The following GPHN variants were observed in gnomAD, a reference collection of about 807,000 sequenced individuals.
GPHN encodes the protein gephyrin.
A neutral mutation model predicts 95.5 loss-of-function variants in GPHN; 17 were observed. The ratio of observed to expected loss-of-function variants is 0.18; its 90% CI spans 0.12 to 0.27. GPHN has a LOEUF of 0.27. GPHN is among the 10% of genes least tolerant of loss of function. The probability of loss-of-function intolerance (pLI) is 1.00; values close to 1 mark genes in which losing one functional copy is unlikely to be tolerated. For synonymous variants in GPHN, 320 were observed against 322.5 expected (o/e 0.99, Z 0.08); for missense variants, 660 against 978.1 (o/e 0.67, Z 4.34).
the GPHN span, among the ~76,000 whole-genome samples, chr14:67,556,159 G>A: frequency 2.6e-5 from 4 of 152,206 alleles, no homozygotes; most frequent in African/African-American, 4.8e-5. Flanking sequence ...GTTCTCACTC[G>A]TGGAACCTGT....
At chr14:67,395,650 T>C in the GPHN span, 2 of 1,457,618 alleles carry the variant, frequency 1.4e-6, no homozygotes, top group Non-Finnish European at 1.9e-6. Context: ...GCAGCAAAAA[T>C]GACGGGGCCC....
At chr14:67,377,473 A>G in the GPHN span, among the ~76,000 whole-genome samples, 1 of 152,182 alleles carries the variant, frequency 6.6e-6, no homozygotes, top group Non-Finnish European at 1.5e-5. Context: ...TATGCTCACT[A>G]CCTATTTTAT....
At chr14:66,985,928 T>G (rs2071000870) in intron 9 of GPHN, among the ~76,000 whole-genome samples, 1 of 152,060 alleles carries the variant, frequency 6.6e-6, no homozygotes, top group African/African-American at 2.4e-5. Context: ...AGCAACCAGC[T>G]GAAGGCAAGC....
intron 1 of GPHN, among the ~76,000 whole-genome samples, chr14:66,671,363 A>G (rs927327378): frequency 4.6e-5 from 7 of 152,190 alleles, no homozygotes; most frequent in Non-Finnish European, 8.8e-5. Flanking sequence ...GGTCAAAAAT[A>G]TTTGGCTGGA....
At chr14:67,061,122 A>G (rs113669737) in intron 11 of GPHN, among the ~76,000 whole-genome samples, 5 of 151,114 alleles carry the variant, frequency 3.3e-5, no homozygotes, top group Admixed American at 1.3e-4. Context: ...GTTCACGGCA[A>G]CCTCCACTTC....
chr14:66,741,368 C>A (rs142796377), intron 2 of GPHN, among the ~76,000 whole-genome samples: 1 of 152,250 alleles, frequency 6.6e-6, no homozygotes, highest in Non-Finnish European at 1.5e-5. Context: ...TTGGAGATGA[C>A]TTGTGAAACC....
intron 6 of GPHN, among the ~76,000 whole-genome samples, chr14:66,917,157 T>C (rs985020262): frequency 2.6e-5 from 4 of 152,210 alleles, no homozygotes; most frequent in African/African-American, 7.2e-5. Context: ...CTCAGGCCAG[T>C]CATTTTCTAT....
At chr14:67,343,525 G>T in the GPHN span, 1 of 926,860 alleles carries the variant, frequency 1.1e-6, no homozygotes. Context: ...TGCACTTGTA[G>T]AAAACATTTG....
At chr14:67,483,471 G>A in the GPHN span, among the ~76,000 whole-genome samples, 6 of 152,218 alleles carry the variant, frequency 3.9e-5, no homozygotes, top group African/African-American at 7.2e-5. Context: ...GCTTCTGGAA[G>A]GCTGGGATGG....
the GPHN span, among the ~76,000 whole-genome samples, chr14:67,458,310 G>A: frequency 2.6e-5 from 4 of 152,044 alleles, no homozygotes; most frequent in African/African-American, 4.8e-5. Flanking sequence ...ATTGATGTGC[G>A]GTACAGTGTC....
intron 8 of GPHN, among the ~76,000 whole-genome samples, chr14:66,949,798 C>A (rs1398238549): frequency 6.6e-6 from 1 of 152,026 alleles, no homozygotes; most frequent in Non-Finnish European, 1.5e-5. Context: ...AATGTGTGCT[C>A]ATTTTTGAAT....
At chr14:67,642,788 A>ATTTTTT in the GPHN span, among the ~76,000 whole-genome samples, 25 of 33,694 alleles carry the variant, frequency 7.4e-4, no homozygotes, top group South Asian at 3.0e-3. Flanking sequence ...ATGTTACTAC[A>ATTTTTT]TTTTCTTTTT....
the GPHN span, among the ~76,000 whole-genome samples, chr14:67,622,249 T>C: frequency 2.6e-5 from 4 of 152,236 alleles, no homozygotes; most frequent in Non-Finnish European, 5.9e-5. Flanking sequence ...GCACGGAGAT[T>C]ATGGAGATAA....
At chr14:67,189,031 A>G in the GPHN span, among the ~76,000 whole-genome samples, 5 of 152,214 alleles carry the variant, frequency 3.3e-5, no homozygotes, top group African/African-American at 1.2e-4. Context: ...AAAATGCTAT[A>G]TTCTTTTAAC....
chr14:67,188,774 TTTCCTTCCTTCCTTCC>T, the GPHN span, among the ~76,000 whole-genome samples: 1 of 150,952 alleles, frequency 6.6e-6, no homozygotes, highest in Non-Finnish European at 1.5e-5. Flanking sequence ...CTCAGTTTCT[TTTCCTTCCTTCCTTCC>T]TTCCTTCCTT....
chr14:66,698,387 A>G (rs887140561), intron 2 of GPHN, among the ~76,000 whole-genome samples: 3 of 152,178 alleles, frequency 2.0e-5, no homozygotes, highest in Admixed American at 6.5e-5. Context: ...AAGGGGATGT[A>G]ATATTTTTTG....
intron 1 of GPHN, among the ~76,000 whole-genome samples, chr14:66,669,785 C>A (rs1001385164): frequency 6.6e-6 from 1 of 152,028 alleles, no homozygotes; most frequent in African/African-American, 2.4e-5. Flanking sequence ...TCCTGTGTAT[C>A]TTCTACTTCT....
At chr14:67,359,366 G>GT in the GPHN span, among the ~76,000 whole-genome samples, 2 of 152,172 alleles carry the variant, frequency 1.3e-5, no homozygotes, top group East Asian at 3.8e-4. Context: ...CTCAATAAGG[G>GT]TATGTGGAAT....
intron 4 of GPHN, among the ~76,000 whole-genome samples, chr14:66,839,425 A>G (rs2061988514): frequency 6.6e-6 from 1 of 152,228 alleles, no homozygotes; most frequent in Non-Finnish European, 1.5e-5. Context: ...AGCAAATAAC[A>G]TAATATCCTT....
Sources: gnomAD v4.1 joint callset for allele counts (sites outside exome capture counted in the v4.1 genomes callset) on GRCh38, gnomAD v4.1.1 for gene constraint, MANE v1.5 for transcripts, NCBI Gene and HGNC (gene_info 2026-07-23, HGNC 2026-07-21) for gene names.